The following NEBL variants were observed in gnomAD, a reference collection of about 807,000 sequenced individuals.
NEBL encodes LIM and SH3 protein 2.
A neutral mutation model predicts 140.2 loss-of-function variants in NEBL; 122 were observed. The ratio of observed to expected loss-of-function variants is 0.87; its 90% CI spans 0.75 to 1.01. The LOEUF (loss-of-function observed/expected upper bound fraction) is 1.01. Ranked by LOEUF, NEBL falls within the 50% of genes least tolerant of loss-of-function variation. The pLI is 0.00. For missense variants in NEBL, 1,365 were observed against 1,231.3 expected, an observed-to-expected ratio of 1.11 and a Z score of -1.62; for synonymous variants, 436 against 398.9, an observed-to-expected ratio of 1.09 and a Z score of -1.11.
chr10:21,126,564 A>G (rs1838845789), intron 2 of NEBL, among the ~76,000 whole-genome samples: 1 of 152,216 alleles, frequency 6.6e-6, no homozygotes, highest in Non-Finnish European at 1.5e-5. Context: ...GGAAGCTACA[A>G]CTAAAAGGAA....
At chr10:21,227,653 T>TTTCTTCTTCTTCTTCTTTTTC (rs1842169694) in intron 3 of NEBL, among the ~76,000 whole-genome samples, 1 of 83,242 alleles carries the variant, frequency 1.2e-5, no homozygotes, top group African/African-American at 4.1e-5. Context: ...GCACTTGAAG[T>TTTCTTCTTCTTCTTCTTTTTC]TTCTTCTTCT....
intron 2 of NEBL, among the ~76,000 whole-genome samples, chr10:21,045,568 AG>A (rs1381677799): frequency 6.6e-6 from 1 of 152,206 alleles, no homozygotes; most frequent in Non-Finnish European, 1.5e-5. Flanking sequence ...GGACCTGAAT[AG>A]ACATTTCTCG....
chr10:20,860,666 G>A (rs1295406957), intron 7 of NEBL, among the ~76,000 whole-genome samples: 1 of 149,914 alleles, frequency 6.7e-6, no homozygotes, highest in Non-Finnish European at 1.5e-5. Flanking sequence ...GTCAAAGTAA[G>A]CTGTTTTGTT....
At chr10:21,077,945 C>T (rs1836178682) in intron 2 of NEBL, among the ~76,000 whole-genome samples, 1 of 152,144 alleles carries the variant, frequency 6.6e-6, no homozygotes, top group African/African-American at 2.4e-5. Flanking sequence ...ACTACAAGAG[C>T]CACCATATCA....
At chr10:21,166,047 C>G (rs1006204698) in intron 2 of NEBL, among the ~76,000 whole-genome samples, 1 of 147,460 alleles carries the variant, frequency 6.8e-6, no homozygotes, top group Non-Finnish European at 1.5e-5. Flanking sequence ...GGTGAAACCC[C>G]GTCTCTACTA....
intron 3 of NEBL, among the ~76,000 whole-genome samples, chr10:21,200,572 C>G (rs926094540): frequency 3.9e-5 from 6 of 152,142 alleles, no homozygotes; most frequent in African/African-American, 1.4e-4. Flanking sequence ...CCTCGGCCTC[C>G]CAAAGTGCTG....
chr10:21,064,391 C>G (rs1401196824), intron 2 of NEBL, among the ~76,000 whole-genome samples: 2 of 151,968 alleles, frequency 1.3e-5, no homozygotes, highest in Non-Finnish European at 1.5e-5. Flanking sequence ...GAAAACAATC[C>G]AGGTTGACAA....
At chr10:21,140,452 T>C (rs1167653024) in intron 2 of NEBL, among the ~76,000 whole-genome samples, 1 of 152,208 alleles carries the variant, frequency 6.6e-6, no homozygotes, top group East Asian at 1.9e-4. Context: ...ATTAGACATA[T>C]TTATTTACAA....
intron 2 of NEBL, among the ~76,000 whole-genome samples, chr10:21,028,610 G>C (rs1338635953): frequency 3.9e-5 from 6 of 152,150 alleles, no homozygotes; most frequent in Admixed American, 3.9e-4. Flanking sequence ...TATCCTTCAT[G>C]AGAAAGGTTA....
intron 26 of NEBL, among the ~76,000 whole-genome samples, chr10:20,788,609 A>G (rs957816252): frequency 4.6e-5 from 7 of 152,182 alleles, no homozygotes; most frequent in African/African-American, 1.4e-4. Context: ...AGTTATTACA[A>G]ATTATGCTTA....
chr10:21,103,065 TATCTTGGAGTGGA>T (rs745818349), intron 2 of NEBL, among the ~76,000 whole-genome samples: 7 of 150,258 alleles, frequency 4.7e-5, no homozygotes, highest in Non-Finnish European at 1.0e-4. Context: ...CTTCGAAAAC[TATCTTGGAGTGGA>T]ATCACTGGGG....
chr10:20,861,668 T>C (rs1274351792), intron 7 of NEBL, among the ~76,000 whole-genome samples: 2 of 152,168 alleles, frequency 1.3e-5, no homozygotes, highest in Non-Finnish European at 2.9e-5. Flanking sequence ...AGCTAAATGG[T>C]AAAAGTAGGT....
chr10:21,094,649 T>C (rs932833603), intron 2 of NEBL, among the ~76,000 whole-genome samples: 5 of 151,240 alleles, frequency 3.3e-5, no homozygotes, highest in Admixed American at 2.0e-4. Flanking sequence ...CCTAATCCAC[T>C]CCAGCCTGGA....
intron 1 of NEBL, among the ~76,000 whole-genome samples, chr10:21,258,199 G>T (rs1007655341): frequency 3.3e-5 from 5 of 151,274 alleles, no homozygotes; most frequent in African/African-American, 1.2e-4. Flanking sequence ...GAGGCGGGAG[G>T]ATGGCTGGAG....
intron 1 of NEBL, among the ~76,000 whole-genome samples, chr10:21,291,086 CT>C (rs1189285844): frequency 6.6e-6 from 1 of 151,826 alleles, no homozygotes; most frequent in Non-Finnish European, 1.5e-5. Context: ...TCTTTAAGGG[CT>C]TTCTTTGCTA....
intron 26 of NEBL, 57 bp from the exon 27 acceptor site, chr10:20,787,365 C>T (rs988380530): frequency 1.5e-6 from 2 of 1,341,296 alleles, no homozygotes; most frequent in Middle Eastern, 3.6e-4. Flanking sequence ...TCGAAATACC[C>T]ATCCCAAACC....
Position 20,812,837 on chromosome 10 carries a change from C to T in NEBL, c.2450G>A (p.Ser817Asn). 3 of 1,614,066 alleles carry T rather than the reference C, an allele frequency of 1.9e-6. No homozygotes were observed. Among genetic ancestry groups the T allele is most frequent in the Non-Finnish European group, 2.5e-6 (3 of 1,179,950 alleles). Residue 817 changes from serine (S) to asparagine (N), a missense_variant, in exon 24 of 28, where the codon AGC (serine) becomes AAC (asparagine). Ser to Asn is a conservative substitution (Grantham distance 46). Around this residue, in one of 2 missense-constraint regions of NEBL, gnomAD observed 1,323 missense variants for 1,154.8 expected, o/e 1.15. Transcript: ENST00000377122. ...ERVRKNTQVV[S>N]DAAYKGVHPH... ...GTGGACCCCTTTATAGGCAGCATCG[C>T]TGACCACCTGGGTGTTCTTCCTCAC...
chr10:21,044,592 A>AT (rs1328111515), intron 2 of NEBL, among the ~76,000 whole-genome samples: 2 of 152,064 alleles, frequency 1.3e-5, no homozygotes, highest in Admixed American at 1.3e-4. Flanking sequence ...ATAAATTCAC[A>AT]TGGCTGTTCA....
intron 2 of NEBL, among the ~76,000 whole-genome samples, chr10:21,081,003 C>T (rs545604845): frequency 6.6e-6 from 1 of 152,204 alleles, no homozygotes; most frequent in Non-Finnish European, 1.5e-5. Context: ...TACAGGCATG[C>T]ACCACCACGC....
Sources: allele counts gnomAD v4.1 joint callset (sites outside exome capture counted in the v4.1 genomes callset), GRCh38; gene constraint gnomAD v4.1.1; regional missense constraint gnomAD v4.1.1; transcripts MANE v1.5; gene names NCBI Gene and HGNC (gene_info 2026-07-23, HGNC 2026-07-21).